The following NR1D2 variants were observed in gnomAD, a reference collection of about 807,000 sequenced individuals.
The protein encoded by NR1D2 is V-erbA-related protein 1-related.
A neutral mutation model predicts 52.2 loss-of-function variants in NR1D2; 25 were observed. The observed-to-expected ratio is 0.48, with a 90% confidence interval of 0.35 to 0.67. The LOEUF (loss-of-function observed/expected upper bound fraction) is 0.67, where lower values mean the gene tolerates loss of function less well. Ranked by LOEUF, NR1D2 falls within the 30% of genes least tolerant of loss-of-function variation. The pLI, the probability that NR1D2 is intolerant of heterozygous loss-of-function variation, is 0.01. For synonymous variants in NR1D2, 259 were observed against 230.1 expected, an observed-to-expected ratio of 1.13 and a Z score of -1.14; for missense variants, 681 against 707.2, an observed-to-expected ratio of 0.96 and a Z score of 0.42.
chr3:23,964,178 A>G (rs1316763488), intron 5 of NR1D2, among the ~76,000 whole-genome samples: 1 of 151,852 alleles, frequency 6.6e-6, no homozygotes, highest in African/African-American at 2.4e-5. Flanking sequence ...TCCCGGTTCA[A>G]GTGATTCTTC....
At chr3:23,946,394 G>T in intron 1 of NR1D2, 1 of 718,622 alleles carries the variant, frequency 1.4e-6, no homozygotes, top group African/African-American at 1.9e-5. Context: ...CGGGGAAGGC[G>T]TGGGGCTTTC....
chr3:23,945,661 G>T, intron 1 of NR1D2, 67 bp downstream of exon 1: 1 of 1,077,036 alleles, frequency 9.3e-7, no homozygotes, highest in Non-Finnish European at 1.2e-6. Context: ...GGGGCACTTT[G>T]GGGGGCGGCG....
intron 1 of NR1D2, among the ~76,000 whole-genome samples, chr3:23,950,902 CTTTTTTTTT>C (rs1181448290): frequency 4.9e-5 from 6 of 123,110 alleles, no homozygotes; most frequent in Admixed American, 2.5e-4. Flanking sequence ...CTTTCTTTTT[CTTTTTTTTT>C]TTTTTTTTTT....
intron 1 of NR1D2, among the ~76,000 whole-genome samples, chr3:23,953,946 T>G (rs1299301801): frequency 2.0e-5 from 3 of 152,202 alleles, no homozygotes; most frequent in African/African-American, 7.2e-5. Flanking sequence ...TGAAAAGCTT[T>G]AGGTGTGAGG....
At chr3:23,962,822 G>T (rs945178944) in intron 5 of NR1D2, among the ~76,000 whole-genome samples, 8 of 152,046 alleles carry the variant, frequency 5.3e-5, no homozygotes, top group African/African-American at 1.9e-4. Flanking sequence ...CATGTGATTT[G>T]ATTGATCTGA....
chr3:23,977,111 T>C (rs755835005), intron 7 of NR1D2, 112 bp from the exon 8 acceptor site: 7 of 584,408 alleles, frequency 1.2e-5, no homozygotes, highest in Non-Finnish European at 1.9e-5. Flanking sequence ...TTCAGATGTA[T>C]AAAACCTTGC....
chr3:23,953,980 A>C (rs963349376), intron 1 of NR1D2, among the ~76,000 whole-genome samples: 2 of 152,202 alleles, frequency 1.3e-5, no homozygotes, highest in African/African-American at 4.8e-5. Context: ...CAGAATATCC[A>C]AGCCAGTGAA....
In NR1D2 at chr3:23,957,586, A is replaced by G. The variant is rs190091482; in HGVS notation, c.372+1461A>G. Among the ~76,000 whole-genome samples the G allele has an allele frequency of 3.5e-3, 532 of 151,144 alleles. 13 individuals carry two copies. In the East Asian group the frequency reaches 0.051, roughly 14 times the overall value. On this transcript the variant is annotated intron_variant, in intron 3 of 7. Transcript: ENST00000312521. The stretch of plus-strand genomic sequence containing the variant: ...AAAAAAAAAAAAATTAGCCGGACGT[A>G]GTGGTGGGCGCCTGTAGTCCCAGCT...
intron 5 of NR1D2, 46 bp from the exon 6 acceptor site, chr3:23,964,931 T>C (rs200300929): frequency 7.7e-7 from 1 of 1,295,270 alleles, no homozygotes; most frequent in East Asian, 2.4e-5. Context: ...GACATTTCTT[T>C]ACCACCTCTT....
intron 7 of NR1D2, among the ~76,000 whole-genome samples, chr3:23,974,818 ATTTT>A (rs1355921800): frequency 7.4e-6 from 1 of 134,832 alleles, no homozygotes; most frequent in East Asian, 2.1e-4. Flanking sequence ...CCAATATCCA[ATTTT>A]TTTTTTTTTT....
intron 3 of NR1D2, among the ~76,000 whole-genome samples, chr3:23,958,677 G>A (rs1706150971): frequency 6.7e-6 from 1 of 149,652 alleles, no homozygotes; most frequent in Non-Finnish European, 1.5e-5. Context: ...CCTGGACATG[G>A]TGGCTCGTGC....
Position 23,967,872 on chromosome 3 carries a change from A to C in NR1D2, c.1392A>C (p.Leu464Phe), listed in dbSNP as rs1369184906. The change falls in exon 7 of 8, where the codon TTA (leucine) becomes TTC (phenylalanine). Residue 464 changes from leucine to phenylalanine, a missense_variant. Transcript: ENST00000312521. Reference protein sequence around the residue: ...FDAKERTVTFLSGKKYSVDDL... With the variant: ...FDAKERTVTFFSGKKYSVDDL... ...CAAAGGAACGTACTGTCACCTTTTT[A>C]AGTGGAAAGAAATATAGTGTGGATG... 1.2e-6 allele frequency: 2 copies of C among 1,613,954 alleles called. No homozygotes were observed. Among genetic ancestry groups the C allele is most frequent in the Non-Finnish European group, 1.7e-6 (2 of 1,179,960 alleles).
chr3:23,950,591 G>T (rs983508820), intron 1 of NR1D2, among the ~76,000 whole-genome samples: 19 of 152,312 alleles, frequency 1.2e-4, no homozygotes, highest in African/African-American at 4.6e-4. Context: ...GTGTCTAGTA[G>T]CAAGAATAGA....
rs148045827 is a variant in NR1D2 at position 23,947,133 on chromosome 3, A to T, written c.16+1539A>T. ...GGTATTTTTAAAATTTTATGAGTTT[A>T]TCATAGAATTAAACTTCTACATGTT... On this transcript the variant is annotated intron_variant, in intron 1 of 7. Transcript: ENST00000312521. 4.9e-3 allele frequency among the ~76,000 whole-genome samples: 749 copies of T among 152,314 alleles called. 2 individuals are homozygous for T. The highest frequency in any genetic ancestry group is 0.017 in the African/African-American group (688 of 41,544).
intron 6 of NR1D2, 138 bp from the exon 7 acceptor site, chr3:23,967,675 G>A (rs1706485907): frequency 1.6e-6 from 1 of 640,204 alleles, no homozygotes; most frequent in African/African-American, 1.8e-5. Flanking sequence ...GTGGTTTTGA[G>A]TAAAAGTATA....
At chr3:23,964,260 G>A (rs1706378540) in intron 5 of NR1D2, among the ~76,000 whole-genome samples, 1 of 151,852 alleles carries the variant, frequency 6.6e-6, no homozygotes, top group Non-Finnish European at 1.5e-5. Context: ...TTAATTGTTG[G>A]TAGAGACAGG....
intron 4 of NR1D2, 97 bp downstream of exon 4, chr3:23,959,912 T>G: frequency 1.8e-6 from 2 of 1,136,254 alleles, no homozygotes. Flanking sequence ...CCAAGGACCC[T>G]CTTGTATTTA....
chr3:23,961,389 C>CTTTTTTTTTTT (rs869108010), intron 4 of NR1D2, among the ~76,000 whole-genome samples: 38 of 75,960 alleles, frequency 5.0e-4, no homozygotes, highest in African/African-American at 1.6e-3. Flanking sequence ...CTTTTTCTTT[C>CTTTTTTTTTTT]TTTTTTTTTT....
intron 7 of NR1D2, among the ~76,000 whole-genome samples, chr3:23,976,140 A>C (rs982614283): frequency 3.3e-5 from 5 of 152,258 alleles, no homozygotes; most frequent in African/African-American, 9.6e-5. Context: ...ACTTTATTGC[A>C]GGCTTATGCC....
Sources: gnomAD v4.1 joint callset for allele counts (sites outside exome capture counted in the v4.1 genomes callset) on GRCh38, gnomAD v4.1.1 for gene constraint, MANE v1.5 for transcripts, NCBI Gene and HGNC (gene_info 2026-07-23, HGNC 2026-07-21) for gene names.